Variants in NUP214 observed in about 807,000 individuals in gnomAD.
The protein encoded by NUP214 is nuclear pore complex protein Nup214.
Under a neutral mutation model 196.2 loss-of-function variants are expected in NUP214, and 79 were observed. The observed-to-expected ratio is 0.40, with a 90% confidence interval of 0.34 to 0.49. NUP214 has a LOEUF of 0.49. Among genes scored for constraint, NUP214 ranks in the 20% least tolerant of loss-of-function variants. The pLI is 0.58. For missense variants in NUP214, 2,468 were observed against 2,539.0 expected (o/e 0.97, Z 0.60); for synonymous variants, 1,020 against 990.5 (o/e 1.03, Z -0.56).
chr9:131,158,836 T>C (rs1832538512), intron 17 of NUP214, among the ~76,000 whole-genome samples: 1 of 152,184 alleles, frequency 6.6e-6, no homozygotes, highest in Non-Finnish European at 1.5e-5. Context: ...CACCTCTGCC[T>C]CCTGGGTTCA....
chr9:131,157,565 T>C (rs1004812018), intron 17 of NUP214, among the ~76,000 whole-genome samples: 5 of 149,134 alleles, frequency 3.4e-5, no homozygotes, highest in Admixed American at 6.7e-5. Context: ...CCTGGGTTCA[T>C]GTAGTTCTCC....
rs751906119 is a variant in NUP214, at chr9:131,232,308, C to G, written c.6239C>G (p.Ser2080Trp). Reference protein sequence around the residue: ...TGGFSFGSNNSSVQGFGGWRS With the variant: ...TGGFSFGSNNWSVQGFGGWRS ...GGGTTCAGCTTTGGGTCAAATAACTCGTAAGTATCCCCCTTTTTGAGTCTC... is the reference window on the plus strand; with the variant it reads ...GGGTTCAGCTTTGGGTCAAATAACTGGTAAGTATCCCCCTTTTTGAGTCTC... The change falls in exon 35 of 36, where the codon TCG (serine) becomes TGG (tryptophan). Residue 2080 changes from serine (S) to tryptophan (W), a missense_variant and splice_region_variant. Around this residue, in one of 5 missense-constraint regions of NUP214, gnomAD observed 262 missense variants for 296.5 expected, o/e 0.88. Coordinates refer to ENST00000359428, the MANE Select transcript of NUP214 (RefSeq NM_005085.4). The surrounding 1 kb of genome is among the most constrained non-coding windows in gnomAD (Gnocchi z 5.1). 6.2e-7 allele frequency: 1 copy of G among 1,613,858 alleles called. No individual in the cohort carries two copies. The highest frequency in any genetic ancestry group is 8.5e-7 in the Non-Finnish European group (1 of 1,179,734).
chr9:131,128,649 A>G (rs1450154515), intron 3 of NUP214, 166 bp downstream of exon 3: 1 of 547,324 alleles, frequency 1.8e-6, no homozygotes, highest in Non-Finnish European at 3.0e-6. Context: ...TCTTTGAGAC[A>G]GAAGGGACTT....
intron 21 of NUP214, chr9:131,167,315 C>T (rs1832812187): frequency 6.6e-6 from 1 of 152,174 alleles, no homozygotes; most frequent in Admixed American, 6.5e-5. Flanking sequence ...GTGTTGTTGC[C>T]TCTAGCTGTT....
intron 27 of NUP214, among the ~76,000 whole-genome samples, chr9:131,193,624 C>CTTTTTTTTTTTTTT (rs1564202971): frequency 5.7e-5 from 1 of 17,664 alleles, no homozygotes; most frequent in East Asian, 1.1e-3. Flanking sequence ...ATTCTTCTTC[C>CTTTTTTTTTTTTTT]TTTTCTTTTT....
chr9:131,139,599 T>C (rs1183786353), intron 10 of NUP214, among the ~76,000 whole-genome samples, 192 bp downstream of exon 10: 1 of 152,220 alleles, frequency 6.6e-6, no homozygotes, highest in African/African-American at 2.4e-5. Flanking sequence ...TGGATGTTCG[T>C]TGATGAGACC....
At position 131,139,492 on chromosome 9, in the gene NUP214, A is replaced by G. The variant is rs185857075; in HGVS notation, c.1132+85A>G. ...GAAACACCAGTTACATGTTACTGAC[A>G]GAGTCTACTCTGCTGGGCACTTGTA... is the stretch of plus-strand genomic sequence containing the variant. On this transcript the variant is annotated intron_variant, in intron 10 of 35. Coordinates refer to ENST00000359428, the MANE Select transcript of NUP214 (RefSeq NM_005085.4). 1.9e-6 allele frequency: 3 copies of G among 1,558,974 alleles called. No homozygotes were observed. In the African/African-American group the frequency reaches 4.2e-5, roughly 22 times the overall value.
intron 12 of NUP214, among the ~76,000 whole-genome samples, chr9:131,145,189 G>A (rs1832053451): frequency 6.6e-6 from 1 of 151,970 alleles, no homozygotes; most frequent in Non-Finnish European, 1.5e-5. Flanking sequence ...AAATTGTTAG[G>A]TGATTCTTCT....
At chr9:131,157,911 A>G (rs568863956) in intron 17 of NUP214, among the ~76,000 whole-genome samples, 129 of 151,778 alleles carry the variant, frequency 8.5e-4, no homozygotes, top group Admixed American at 2.0e-3. Context: ...CTCCCAAAGT[A>G]CTGGGATTAC....
rs373894115 is a variant in NUP214 at position 131,197,879 on chromosome 9, C to T, written c.4385C>T (p.Thr1462Ile). The T allele has an allele frequency of 1.2e-6, 2 of 1,613,740 alleles. No individual in the cohort carries two copies. The highest frequency in any genetic ancestry group is 1.7e-6 in the Non-Finnish European group (2 of 1,180,040). The change falls in exon 29 of 36, where the codon ACT becomes ATT. Residue 1462 changes from threonine to isoleucine, a missense_variant. Coordinates refer to ENST00000359428, the MANE Select transcript of NUP214 (RefSeq NM_005085.4). ...PSAPPPTTAA[T>I]PLPTSFPTLS... is the part of the protein sequence containing the mutation. ...GCCCCACCACCAACTACAGCTGCCA[C>T]TCCCCTTCCAACATCATTCCCCACA...
At chr9:131,134,398 T>C (rs1364009007) in intron 7 of NUP214, among the ~76,000 whole-genome samples, 3 of 152,190 alleles carry the variant, frequency 2.0e-5, no homozygotes, top group South Asian at 4.1e-4. Flanking sequence ...TTGAAAAAGA[T>C]GTCTTGTTTT....
Position 131,129,413 on chromosome 9 carries a change from C to A in NUP214, c.528C>A (p.Val176=), listed in dbSNP as rs772723133. The A allele has an allele frequency of 6.2e-7, 1 of 1,614,184 alleles. No homozygotes were observed. The highest frequency in any genetic ancestry group is 2.2e-5 in the East Asian group (1 of 44,878). Residue 176 remains valine (V), a synonymous_variant, in exon 4 of 36, where the codon GTC becomes GTA. Transcript: ENST00000359428. ...GTCTGGCTGATGGTAGTATTGCTGT[C>A]CTGCAAGTCACGGAAACAGTGAAAG... ...AVCLADGSIA[V]LQVTETVKVC...
rs746341047 is a variant in NUP214, at chr9:131,127,688, A to G, written c.210A>G (p.Gln70=). 2 of 1,614,038 alleles carry G rather than the reference A, an allele frequency of 1.2e-6. No homozygotes were observed. The highest frequency in any genetic ancestry group is 2.7e-5 in the African/African-American group (2 of 75,036). ...TTCCTACTAAAAATCTTCTTATTCA[A>G]AATAAACCCGGAGATGATCCCAACA... ...QIFPTKNLLI[Q]NKPGDDPNKI... The change falls in exon 2 of 36, where the codon CAA becomes CAG. Residue 70 remains glutamine, a synonymous_variant. Coordinates refer to ENST00000359428, the MANE Select transcript of NUP214 (RefSeq NM_005085.4).
intron 29 of NUP214, among the ~76,000 whole-genome samples, chr9:131,200,199 C>T (rs749593618): frequency 1.3e-5 from 2 of 152,204 alleles, no homozygotes; most frequent in Non-Finnish European, 2.9e-5. Context: ...AGTATCTGTG[C>T]GGAAAGGTAT....
chr9:131,163,354 T>C, intron 19 of NUP214, 181 bp downstream of exon 19: 1 of 580,556 alleles, frequency 1.7e-6, no homozygotes, highest in Non-Finnish European at 2.9e-6. Flanking sequence ...AGGATGACAA[T>C]ACCTGCTTCG....
At position 131,189,080 on chromosome 9, in the gene NUP214, T is replaced by C. The variant is rs1833529901; in HGVS notation, c.3523T>C (p.Ser1175Pro). The C allele has an allele frequency of 2.5e-6, 4 of 1,614,096 alleles. No homozygotes were observed. In the East Asian group the frequency reaches 6.7e-5, roughly 27 times the overall value. The change falls in exon 26 of 36, where the codon TCT becomes CCT. Residue 1175 changes from serine to proline, a missense_variant. By Grantham distance (74) the Ser-to-Pro change is moderately conservative. This residue lies in a region of NUP214 where 1,801 missense variants were observed against 1,779.4 expected (regional missense o/e 1.01). Coordinates refer to ENST00000359428, the MANE Select transcript of NUP214 (RefSeq NM_005085.4). ...GTCTCTAATAAATTCCCTTAAGCCA[T>C]CTGGGCCTACACCAGCATCCGGTCA... ...QGSLINSLKP[S>P]GPTPASGQLS...
chr9:131,183,201 C>T (rs770307127), intron 24 of NUP214, among the ~76,000 whole-genome samples: 8 of 152,206 alleles, frequency 5.3e-5, no homozygotes, highest in Non-Finnish European at 1.0e-4. Context: ...TTTCCTGCCT[C>T]AGCCTCCCTA....
At chr9:131,130,446 G>A (rs945493707) in intron 4 of NUP214, among the ~76,000 whole-genome samples, 1 of 152,012 alleles carries the variant, frequency 6.6e-6, no homozygotes, top group Non-Finnish European at 1.5e-5. Flanking sequence ...TGCCCGGCCA[G>A]TGATTTCTTG....
intron 14 of NUP214, among the ~76,000 whole-genome samples, chr9:131,149,182 A>ACAG (rs1459540372): frequency 9.2e-5 from 14 of 152,182 alleles, no homozygotes; most frequent in Admixed American, 5.9e-4. Context: ...CTAGGTACAT[A>ACAG]GTAAGTGCCC....
Sources: gnomAD v4.1 joint callset for allele counts (sites outside exome capture counted in the v4.1 genomes callset) on GRCh38, gnomAD v4.1.1 for gene constraint, gnomAD v4.1.1 regional missense constraint, Gnocchi (gnomAD v3.1) non-coding constraint, MANE v1.5 for transcripts, NCBI Gene and HGNC (gene_info 2026-07-23, HGNC 2026-07-21) for gene names.